The following TMEM38B variants were observed in gnomAD, a reference collection of about 807,000 sequenced individuals.
TMEM38B encodes the protein trimeric intracellular cation channel type B.
A neutral mutation model predicts 28.7 loss-of-function variants in TMEM38B; 24 were observed. The ratio of observed to expected loss-of-function variants is 0.84; its 90% CI spans 0.61 to 1.18. The LOEUF (loss-of-function observed/expected upper bound fraction) is 1.18, where lower values mean the gene tolerates loss of function less well. TMEM38B is among the 50% of genes most tolerant of loss of function. The pLI is 0.00. For missense variants in TMEM38B, 380 were observed against 350.9 expected (o/e 1.08, Z -0.66); for synonymous variants, 131 against 127.7 (o/e 1.03, Z -0.17).
intron 2 of TMEM38B, among the ~76,000 whole-genome samples, chr9:105,712,584 T>C (rs1228087810): frequency 6.6e-6 from 1 of 152,252 alleles, no homozygotes; most frequent in Admixed American, 6.5e-5. Flanking sequence ...CTAGATCCCT[T>C]TACCAAGACT....
At position 105,705,594 on chromosome 9, in the gene TMEM38B, C is replaced by T. The variant is rs774027594; in HGVS notation, c.113-3C>T. The T allele has an allele frequency of 4.3e-6, 7 of 1,611,336 alleles. No individual in the cohort carries two copies. The South Asian group carries it at 7.7e-5, about 18-fold the overall frequency. ...CAGACCATATTTTACTTTACCATTT[C>T]AGGAGCAGCTGCATTGGCATGGAAG... On this transcript the variant is annotated splice_region_variant and splice_polypyrimidine_tract_variant and intron_variant, in intron 1 of 5. Coordinates refer to ENST00000374692, the MANE Select transcript of TMEM38B (RefSeq NM_018112.3).
At chr9:105,722,096 G>A (rs1219219345) in intron 3 of TMEM38B, among the ~76,000 whole-genome samples, 2 of 152,038 alleles carry the variant, frequency 1.3e-5, no homozygotes, top group Non-Finnish European at 2.9e-5. Flanking sequence ...TTTTCATTCA[G>A]AATTACTAGA....
intron 5 of TMEM38B, among the ~76,000 whole-genome samples, chr9:105,762,534 T>G (rs1029028495): frequency 3.4e-5 from 5 of 148,554 alleles, no homozygotes; most frequent in African/African-American, 1.2e-4. Context: ...TGCGATAGTT[T>G]ACTGAGAATG....
intron 5 of TMEM38B, among the ~76,000 whole-genome samples, chr9:105,750,832 G>A (rs1383568847): frequency 2.0e-5 from 3 of 152,078 alleles, no homozygotes; most frequent in Non-Finnish European, 4.4e-5. Flanking sequence ...ATGGTATGAC[G>A]AACAGTCCAA....
intron 4 of TMEM38B, among the ~76,000 whole-genome samples, chr9:105,726,438 C>T (rs1346393487): frequency 6.6e-6 from 1 of 151,956 alleles, no homozygotes; most frequent in Admixed American, 6.6e-5. Flanking sequence ...GACATAAACA[C>T]ACACATTAGC....
intron 5 of TMEM38B, among the ~76,000 whole-genome samples, chr9:105,751,163 C>A (rs1837633731): frequency 2.6e-5 from 4 of 152,166 alleles, no homozygotes; most frequent in African/African-American, 9.7e-5. Flanking sequence ...GAATTCAGCA[C>A]CTTCAACTGA....
chr9:105,751,760 T>G (rs1375995993), intron 5 of TMEM38B, among the ~76,000 whole-genome samples: 1 of 152,204 alleles, frequency 6.6e-6, no homozygotes, highest in Non-Finnish European at 1.5e-5. Context: ...GCCTGCCAGC[T>G]TTGGAGAATA....
At chr9:105,764,585 A>AT (rs1826289738) in intron 5 of TMEM38B, among the ~76,000 whole-genome samples, 1 of 152,068 alleles carries the variant, frequency 6.6e-6, no homozygotes, top group Non-Finnish European at 1.5e-5. Flanking sequence ...ATAAAAGAGG[A>AT]TACAAACAAA....
At position 105,774,915 on chromosome 9, in the gene TMEM38B, G is replaced by A. The variant is rs2133661718; in HGVS notation, c.*835G>A. 6.6e-6 allele frequency: 1 copy of A among 151,886 alleles called. No homozygotes were observed. Among genetic ancestry groups the A allele is most frequent in the African/African-American group, 2.4e-5 (1 of 41,438 alleles). 9.4% of individuals were successfully genotyped at this position (151,886 alleles called of 1,614,324 possible). A position where few individuals can be genotyped will look rare whatever the true frequency, so the allele number is the denominator to read the frequency against. On this transcript the variant is annotated 3_prime_UTR_variant, in exon 6 of 6. Transcript: ENST00000374692. ...AAAAACACATTTGTTTTAATTGTAGGAGAAATTTTCTCAGCATTTTGCATG... is the reference window on the plus strand; with the variant it reads ...AAAAACACATTTGTTTTAATTGTAGAAGAAATTTTCTCAGCATTTTGCATG...
At chr9:105,749,021 A>C (rs1837543704) in intron 5 of TMEM38B, 3 of 1,253,886 alleles carry the variant, frequency 2.4e-6, no homozygotes, top group East Asian at 5.7e-5. Flanking sequence ...AGATTATATA[A>C]ATATGTGTCT....
At position 105,748,199 on chromosome 9, in the gene TMEM38B, T is replaced by G; in HGVS notation, c.660+9T>G. The G allele has an allele frequency of 6.4e-7, 1 of 1,566,976 alleles. No homozygotes were observed. The highest frequency in any genetic ancestry group is 8.8e-7 in the Non-Finnish European group (1 of 1,138,052). On this transcript the variant is annotated intron_variant, in intron 5 of 5. Coordinates refer to ENST00000374692, the MANE Select transcript of TMEM38B (RefSeq NM_018112.3). ...TTATTGTGGCCACAAAGGTAAGAAT[T>G]CAAAGTACCTATAATTATTACAAAT...
intron 4 of TMEM38B, among the ~76,000 whole-genome samples, chr9:105,729,425 G>C (rs1328352148): frequency 1.3e-5 from 2 of 152,242 alleles, no homozygotes; most frequent in South Asian, 2.1e-4. Flanking sequence ...TCTCTGTTCT[G>C]TTCCATTGGT....
intron 4 of TMEM38B, among the ~76,000 whole-genome samples, chr9:105,735,626 G>T (rs530423355): frequency 7.3e-4 from 111 of 152,286 alleles, no homozygotes; most frequent in African/African-American, 2.6e-3. Context: ...CTCTTGGCCT[G>T]TAAGATTTCT....
chr9:105,735,865 T>C (rs1369635075), intron 4 of TMEM38B, among the ~76,000 whole-genome samples: 2 of 152,092 alleles, frequency 1.3e-5, no homozygotes, highest in Non-Finnish European at 2.9e-5. Context: ...AATTTTCATT[T>C]ATTAAAAAAA....
At chr9:105,700,831 T>C (rs931939529) in intron 1 of TMEM38B, among the ~76,000 whole-genome samples, 3 of 152,086 alleles carry the variant, frequency 2.0e-5, no homozygotes, top group African/African-American at 4.8e-5. Context: ...AGTGCAAAAG[T>C]CATAAATGTA....
intron 4 of TMEM38B, among the ~76,000 whole-genome samples, chr9:105,733,261 T>C (rs1564400770): frequency 6.6e-6 from 1 of 152,060 alleles, no homozygotes; most frequent in Non-Finnish European, 1.5e-5. Flanking sequence ...TGCTCAGCTC[T>C]GGGCCTCATG....
At chr9:105,726,686 A>G (rs1045561843) in intron 4 of TMEM38B, among the ~76,000 whole-genome samples, 3 of 152,176 alleles carry the variant, frequency 2.0e-5, no homozygotes, top group African/African-American at 7.2e-5. Context: ...CTGTAATCCT[A>G]GTACTATGGG....
intron 2 of TMEM38B, among the ~76,000 whole-genome samples, chr9:105,716,691 C>G (rs1324553260): frequency 6.6e-6 from 1 of 152,148 alleles, no homozygotes; most frequent in Non-Finnish European, 1.5e-5. Flanking sequence ...ATAGCAAGAC[C>G]AATCCCTCCT....
At chr9:105,773,447 C>G (rs552443622) in intron 5 of TMEM38B, among the ~76,000 whole-genome samples, 66 of 152,258 alleles carry the variant, frequency 4.3e-4, no homozygotes, top group African/African-American at 1.5e-3. Flanking sequence ...TATTTAACCT[C>G]TCAGAGCCTT....
Sources: gnomAD v4.1 joint callset for allele counts (sites outside exome capture counted in the v4.1 genomes callset) on GRCh38, gnomAD v4.1.1 for gene constraint, MANE v1.5 for transcripts, NCBI Gene and HGNC (gene_info 2026-07-23, HGNC 2026-07-21) for gene names.